The following TMEM232 variants were observed in gnomAD, a reference collection of about 807,000 sequenced individuals.
The protein encoded by TMEM232 is transmembrane protein 232.
TMEM232 carries 80 observed loss-of-function variants against 78.8 expected under a neutral mutation model. The ratio of observed to expected loss-of-function variants is 1.01; its 90% CI spans 0.85 to 1.22. The LOEUF (loss-of-function observed/expected upper bound fraction) is 1.22. TMEM232 is among the 50% of genes most tolerant of loss of function. TMEM232 has a pLI of 0.00. For synonymous variants in TMEM232, 297 were observed against 254.3 expected, an observed-to-expected ratio of 1.17 and a Z score of -1.60; for missense variants, 881 against 742.2, an observed-to-expected ratio of 1.19 and a Z score of -2.17.
chr5:110,649,498 T>C lies in TMEM232; in HGVS notation c.126-7127A>G, dbSNP rs1447396006. ...ATTACAAGAGTATGTATACTTTTAA[T>C]TATAGCAGATTAAAAAAATATCTTC... On this transcript the variant is annotated intron_variant, in intron 2 of 13. Coordinates refer to ENST00000455884, the MANE Select transcript of TMEM232 (RefSeq NM_001039763.4). 2.6e-5 allele frequency among the ~76,000 whole-genome samples: 4 copies of C among 152,234 alleles called. No individual in the cohort carries two copies. In the East Asian group the frequency reaches 7.7e-4, roughly 29 times the overall value.
intron 2 of TMEM232, among the ~76,000 whole-genome samples, chr5:110,398,976 TG>T (rs764490740): frequency 2.6e-5 from 4 of 152,108 alleles, no homozygotes; most frequent in Non-Finnish European, 5.9e-5. Context: ...TGTGGACATC[TG>T]GGGGTATTTC....
At chr5:110,444,077 C>T (rs929165069) in intron 12 of TMEM232, among the ~76,000 whole-genome samples, 9 of 152,076 alleles carry the variant, frequency 5.9e-5, no homozygotes, top group Non-Finnish European at 1.0e-4. Context: ...GCACTCCCTT[C>T]GCTGCCCTGG....
chr5:110,620,599 C>A lies in TMEM232; in HGVS notation c.769-2037G>T, dbSNP rs971741005. Reference sequence around the variant, plus strand: ...CATATCTCTCTCTCTCTCTCTCTCTCTCTCTCTCTCTCTCTCTCTCTCTCT... The same window carrying A: ...CATATCTCTCTCTCTCTCTCTCTCTATCTCTCTCTCTCTCTCTCTCTCTCT... On this transcript the variant is annotated intron_variant, in intron 7 of 13. Transcript: ENST00000455884. 6.3e-3 allele frequency among the ~76,000 whole-genome samples: 800 copies of A among 127,512 alleles called. 15 individuals are homozygous for A. The highest frequency in any genetic ancestry group is 0.026 in the African/African-American group (744 of 28,890). 83.7% of individuals were successfully genotyped at this position (127,512 alleles called of 152,430 possible). A position where few individuals can be genotyped will look rare whatever the true frequency, so the allele number is the denominator to read the frequency against.
intron 12 of TMEM232, among the ~76,000 whole-genome samples, chr5:110,435,408 G>A (rs1243572329): frequency 6.7e-6 from 1 of 150,330 alleles, no homozygotes; most frequent in Non-Finnish European, 1.5e-5. Context: ...GTACAGGCAT[G>A]CAATATGTAA....
chr5:110,580,538 G>T (rs72771431), intron 10 of TMEM232, among the ~76,000 whole-genome samples: 11,385 of 151,544 alleles, frequency 0.075, 541 homozygotes, highest in South Asian at 0.2. Flanking sequence ...TTATTCTTAA[G>T]CAATGCATAA....
rs192040920 is a variant in TMEM232 at position 110,598,102 on chromosome 5, G to A, written c.1276+7007C>T. Among the ~76,000 whole-genome samples the A allele has an allele frequency of 1.7e-3, 265 of 152,074 alleles. 2 individuals are homozygous for A. The highest frequency in any genetic ancestry group is 5.5e-3 in the African/African-American group (230 of 41,494). On this transcript the variant is annotated intron_variant, in intron 10 of 13. Transcript: ENST00000455884. ...ACCTACAAAATGGGAGAAAATTTTC[G>A]CAACCTACTCATCTGACAAAGGGCT...
At chr5:110,504,253 A>T (rs1354560199) in intron 12 of TMEM232, among the ~76,000 whole-genome samples, 1 of 152,222 alleles carries the variant, frequency 6.6e-6, no homozygotes, top group African/African-American at 2.4e-5. Flanking sequence ...TGGAACACCA[A>T]TCAGGAAAAA....
At position 110,661,439 on chromosome 5, in the gene TMEM232, G is replaced by T. The variant is rs189735900; in HGVS notation, c.125+5789C>A. 2.6e-5 allele frequency among the ~76,000 whole-genome samples: 4 copies of T among 152,006 alleles called. No homozygotes were observed. In the East Asian group the frequency reaches 7.8e-4, roughly 30 times the overall value. On this transcript the variant is annotated intron_variant, in intron 2 of 13. Coordinates refer to ENST00000455884, the MANE Select transcript of TMEM232 (RefSeq NM_001039763.4). ...TAACCCCCCCCACCTCATCTTCCTG[G>T]GTAGCTGGGACTACAGGTGTACACC...
upstream of TMEM232, among the ~76,000 whole-genome samples, chr5:110,731,251 A>G (rs1055284999): frequency 6.6e-6 from 1 of 152,156 alleles, no homozygotes; most frequent in Non-Finnish European, 1.5e-5. Context: ...GGCTGCTTTC[A>G]TGGGCTAGCA....
At chr5:110,610,264 GAGGAAGGTGGGTGGGTGA>G (rs1782079732) in intron 8 of TMEM232, among the ~76,000 whole-genome samples, 10 of 142,652 alleles carry the variant, frequency 7.0e-5, no homozygotes, top group African/African-American at 2.6e-4. Flanking sequence ...GGGAGGAAGG[GAGGAAGGTGGGTGGGTGA>G]AGGGAGGGAG....
At chr5:110,502,404 A>G (rs1209432240) in intron 12 of TMEM232, among the ~76,000 whole-genome samples, 1 of 152,208 alleles carries the variant, frequency 6.6e-6, no homozygotes, top group Non-Finnish European at 1.5e-5. Flanking sequence ...TAGCAAAGGA[A>G]TTTTCAATAA....
chr5:110,728,326 A>T (rs542355391), upstream of TMEM232, among the ~76,000 whole-genome samples: 4 of 152,004 alleles, frequency 2.6e-5, no homozygotes, highest in East Asian at 7.7e-4. Flanking sequence ...GAAAGATTAC[A>T]GAAAAAGCAT....
intron 11 of TMEM232, among the ~76,000 whole-genome samples, chr5:110,560,735 G>A (rs1037500129): frequency 6.6e-6 from 1 of 152,284 alleles, no homozygotes; most frequent in South Asian, 2.1e-4. Context: ...TTAAACCACA[G>A]TGACTTTTTC....
At chr5:110,492,672 G>C (rs1347084074) in intron 12 of TMEM232, among the ~76,000 whole-genome samples, 1 of 151,816 alleles carries the variant, frequency 6.6e-6, no homozygotes, top group African/African-American at 2.4e-5. Context: ...GGTGAGTCAA[G>C]AAAAACATGC....
At chr5:110,600,847 A>G (rs1330515592) in intron 10 of TMEM232, among the ~76,000 whole-genome samples, 1 of 152,212 alleles carries the variant, frequency 6.6e-6, no homozygotes, top group Non-Finnish European at 1.5e-5. Context: ...AACTTGGCAG[A>G]GACACAACAA....
chr5:110,540,988 C>T (rs1241129783), intron 11 of TMEM232, among the ~76,000 whole-genome samples: 5 of 152,134 alleles, frequency 3.3e-5, no homozygotes, highest in Non-Finnish European at 7.4e-5. Context: ...GCAAGTCTGA[C>T]AGAGAAGCCA....
At chr5:110,441,705 A>C (rs1487040870) in intron 12 of TMEM232, among the ~76,000 whole-genome samples, 3 of 152,302 alleles carry the variant, frequency 2.0e-5, no homozygotes, top group African/African-American at 7.2e-5. Flanking sequence ...TTACTGGAGA[A>C]GCCTACAAGC....
At chr5:110,468,833 TAAC>T (rs1254012049) in intron 12 of TMEM232, among the ~76,000 whole-genome samples, 1 of 152,154 alleles carries the variant, frequency 6.6e-6, no homozygotes, top group African/African-American at 2.4e-5. Flanking sequence ...CAGAAACAAT[TAAC>T]AACTATATTT....
rs539565060 is a variant in TMEM232 at position 110,619,224 on chromosome 5, G to A, written c.769-662C>T. 1.8e-4 allele frequency among the ~76,000 whole-genome samples: 28 copies of A among 152,216 alleles called. 1 individual carries two copies. In the South Asian group the frequency reaches 5.8e-3, roughly 32 times the overall value. ...GATAGGTACTCAAATTGTTAACTTA[G>A]TTGATATTTTGTGATTTTTATGTTA... On this transcript the variant is annotated intron_variant, in intron 7 of 13. Transcript: ENST00000455884.
Sources: allele counts gnomAD v4.1 joint callset (sites outside exome capture counted in the v4.1 genomes callset), GRCh38; gene constraint gnomAD v4.1.1; transcripts MANE v1.5; gene names NCBI Gene and HGNC (gene_info 2026-07-23, HGNC 2026-07-21).